PGLYRP4: variants seen among roughly 807,000 people sequenced by gnomAD.
The protein encoded by PGLYRP4 is PGRP-I-beta.
PGLYRP4 carries 39 observed loss-of-function variants against 41.2 expected under a neutral mutation model. That is an observed-to-expected ratio of 0.95 (90% CI 0.73 to 1.24). PGLYRP4 has a LOEUF of 1.24. Among genes scored for constraint, PGLYRP4 ranks in the 50% most tolerant of loss-of-function variants. PGLYRP4 has a pLI of 0.00. For missense variants in PGLYRP4, 467 were observed against 460.7 expected, an observed-to-expected ratio of 1.01 and a Z score of -0.13; for synonymous variants, 202 against 186.8, an observed-to-expected ratio of 1.08 and a Z score of -0.66.
rs1231023246 is a variant in PGLYRP4, at chr1:153,341,759, C to G, written c.493G>C (p.Ala165Pro). ...ATTAGGTTTTCCATGGCCGACAGGG[C>G]AGCAGGGCTGGGACTGTGGCCTAGA... ...TKKGHSPSPA[A>P]LSAMENLITY... Residue 165 changes from alanine to proline, a missense_variant, in exon 6 of 9, where the codon GCC becomes CCC. Physicochemically the swap from Ala to Pro is conservative, Grantham distance 27. Coordinates refer to ENST00000359650, the MANE Select transcript of PGLYRP4 (RefSeq NM_020393.4). 11 of 1,613,858 alleles carry G rather than the reference C, an allele frequency of 6.8e-6. No homozygotes were observed. Among genetic ancestry groups the G allele is most frequent in the Non-Finnish European group, 9.3e-6 (11 of 1,179,962 alleles).
At position 153,330,884 on chromosome 1, in the gene PGLYRP4, G is replaced by C; in HGVS notation, c.1005C>G (p.Val335=). 6.2e-7 allele frequency: 1 copy of C among 1,614,028 alleles called. No homozygotes were observed. The highest frequency in any genetic ancestry group is 8.5e-7 in the Non-Finnish European group (1 of 1,179,962). Reference sequence around the variant, plus strand: ...GGTAGTTGGGAGTCAGGTACCCTTTGACCATGGCACACTGGATCAGGTCTT... The same window carrying C: ...GGTAGTTGGGAGTCAGGTACCCTTTCACCATGGCACACTGGATCAGGTCTT... ...AAQDLIQCAM[V]KGYLTPNYLL... Residue 335 remains valine (V), a synonymous_variant, in exon 9 of 9, where the codon GTC becomes GTG. Coordinates refer to ENST00000359650, the MANE Select transcript of PGLYRP4 (RefSeq NM_020393.4).
chr1:153,339,963 G>C (rs973744062), intron 7 of PGLYRP4, among the ~76,000 whole-genome samples: 7 of 152,206 alleles, frequency 4.6e-5, no homozygotes. Context: ...TCTACCATGA[G>C]GGGGAACCAC....
At chr1:153,342,585 T>C (rs1301278688) in intron 5 of PGLYRP4, among the ~76,000 whole-genome samples, 1 of 152,204 alleles carries the variant, frequency 6.6e-6, no homozygotes, top group Non-Finnish European at 1.5e-5. Context: ...GCAAGGGGCC[T>C]TGGAGCAACA....
At chr1:153,334,651 G>T (rs191357441) in intron 8 of PGLYRP4, among the ~76,000 whole-genome samples, 1 of 151,582 alleles carries the variant, frequency 6.6e-6, no homozygotes, top group Non-Finnish European at 1.5e-5. Flanking sequence ...CAGATTCAAC[G>T]CAGTTCCTAT....
rs770765203 is a variant in PGLYRP4, at chr1:153,340,515, A to T, written c.690T>A (p.Thr230=). Residue 230 remains threonine, a synonymous_variant, in exon 7 of 9, where the codon ACT becomes ACA. Transcript: ENST00000359650. The part of the protein sequence containing the change: ...GARETHCPRM[T]LPAKYGIIIH... ...TAATGATGCCATACTTCGCTGGGAG[A>T]GTCATCCTGGGACAGTGGGTCTCCC... is the stretch of plus-strand genomic sequence containing the variant. The T allele has an allele frequency of 6.2e-7, 1 of 1,614,048 alleles. No homozygotes were observed. Among genetic ancestry groups the T allele is most frequent in the Admixed American group, 1.7e-5 (1 of 60,012 alleles).
intron 4 of PGLYRP4, 81 bp from the exon 5 acceptor site, chr1:153,343,289 A>C: frequency 1.1e-6 from 1 of 897,004 alleles, no homozygotes; most frequent in Non-Finnish European, 1.8e-6. Flanking sequence ...CCAGCCTCAA[A>C]ATGGAGAAGG....
rs1248842295 is a variant in PGLYRP4, at chr1:153,330,497, G to C, written c.*270C>G. The C allele has an allele frequency of 3.9e-6, 1 of 256,234 alleles. No homozygotes were observed. The highest frequency in any genetic ancestry group is 9.8e-5 in the South Asian group (1 of 10,188). 15.9% of individuals were successfully genotyped at this position (256,234 alleles called of 1,614,324 possible). ...AAGAACCAGCCCATTGTCTCACCTG[G>C]CTGAGGAGTTGGGTTTCCAAGGGAG... is the stretch of plus-strand genomic sequence containing the variant. On this transcript the variant is annotated 3_prime_UTR_variant, in exon 9 of 9. Coordinates refer to ENST00000359650, the MANE Select transcript of PGLYRP4 (RefSeq NM_020393.4).
rs749258242 is a variant in PGLYRP4, at chr1:153,345,216, C to A, written c.306G>T (p.Leu102=). 1 of 1,613,962 alleles carries A rather than the reference C, an allele frequency of 6.2e-7. No individual in the cohort carries two copies. Among genetic ancestry groups the A allele is most frequent in the Non-Finnish European group, 8.5e-7 (1 of 1,180,016 alleles). ...TGTTGTTGTGGACATGATGGGCCTGCAGTTCCCGCAGTCTCTGGCTGCAGA... is the reference window on the plus strand; with the variant it reads ...TGTTGTTGTGGACATGATGGGCCTGAAGTTCCCGCAGTCTCTGGCTGCAGA... ...QTVCSQRLRE[L]QAHHVHNNSG... Residue 102 remains leucine, a synonymous_variant, in exon 4 of 9, where the codon CTG becomes CTT. Coordinates refer to ENST00000359650, the MANE Select transcript of PGLYRP4 (RefSeq NM_020393.4).
chr1:153,347,776 C>T (rs934069041), intron 2 of PGLYRP4, 108 bp downstream of exon 2: 2 of 817,574 alleles, frequency 2.4e-6, no homozygotes, highest in African/African-American at 1.7e-5. Flanking sequence ...TCACTGCAGC[C>T]TTGAACTCCT....
rs776173213 is a variant in PGLYRP4 at position 153,341,628 on chromosome 1, C to T, written c.624G>A (p.Lys208=). 2.2e-5 allele frequency: 35 copies of T among 1,610,806 alleles called. 1 individual carries two copies. The South Asian group carries it at 3.4e-4, about 16-fold the overall frequency. The change falls in exon 6 of 9, where the codon AAG becomes AAA. Residue 208 remains lysine (K), a splice_region_variant and synonymous_variant. Coordinates refer to ENST00000359650, the MANE Select transcript of PGLYRP4 (RefSeq NM_020393.4). The stretch of plus-strand genomic sequence containing the variant: ...AGTAGGGCTGAAGAAAGGTCTTACC[C>T]TTCTTCAGGCTTGTCTTCTGCCGAG... ...LAPRQKTSLK[K]ACPGVVPRSV...
At chr1:153,343,504 A>G (rs1384560739) in intron 4 of PGLYRP4, among the ~76,000 whole-genome samples, 1 of 152,170 alleles carries the variant, frequency 6.6e-6, no homozygotes, top group East Asian at 1.9e-4. Context: ...GTAACTGACC[A>G]CACAATGGAA....
At chr1:153,336,017 A>G (rs1660542647) in intron 8 of PGLYRP4, among the ~76,000 whole-genome samples, 2 of 145,346 alleles carry the variant, frequency 1.4e-5, no homozygotes, top group Admixed American at 7.1e-5. Context: ...TCAATGGATG[A>G]CTGAATAAAG....
chr1:153,343,115 G>T lies in PGLYRP4; in HGVS notation c.447C>A (p.Gly149=). 1 of 1,611,822 alleles carries T rather than the reference G, an allele frequency of 6.2e-7. No homozygotes were observed. The stretch of plus-strand genomic sequence containing the variant: ...CTTTCTTAGTGCCAAAGAAGGCAAA[G>T]CCCAGGGAGATGTTGTTGTAGCCTT... The part of the protein sequence containing the change: ...HTQGYNNISL[G]FAFFGTKKGH... The change falls in exon 5 of 9, where the codon GGC becomes GGA. Residue 149 remains glycine, a synonymous_variant. Coordinates refer to ENST00000359650, the MANE Select transcript of PGLYRP4 (RefSeq NM_020393.4).
intron 8 of PGLYRP4, among the ~76,000 whole-genome samples, chr1:153,334,438 A>G (rs1399775704): frequency 6.8e-6 from 1 of 147,612 alleles, no homozygotes; most frequent in African/African-American, 2.5e-5. Context: ...TAGTATGTGT[A>G]TGTGTGTGTA....
chr1:153,343,876 G>A (rs1447337860), intron 4 of PGLYRP4, among the ~76,000 whole-genome samples: 2 of 152,186 alleles, frequency 1.3e-5, no homozygotes, highest in East Asian at 1.9e-4. Flanking sequence ...AGGGGTGGGA[G>A]GAAAGTCCCT....
intron 8 of PGLYRP4, among the ~76,000 whole-genome samples, chr1:153,333,719 A>C (rs1211815574): frequency 6.6e-6 from 1 of 152,200 alleles, no homozygotes; most frequent in Non-Finnish European, 1.5e-5. Context: ...TAATTCCCAC[A>C]ATCAAGTGGG....
In PGLYRP4 at chr1:153,340,278, A is replaced by G. The variant is rs1020806760; in HGVS notation, c.824+103T>C. On this transcript the variant is annotated intron_variant, in intron 7 of 8. Transcript: ENST00000359650. ...TGGTTATCCATACAGTGCCTCTCCT[A>G]TGGTGACTACCCAGTAAATATTAGT... 9 of 1,029,488 alleles carry G rather than the reference A, an allele frequency of 8.7e-6. No homozygotes were observed. In the African/African-American group the frequency reaches 1.3e-4, roughly 14 times the overall value. The allele number at this position is 1,029,488 out of a possible 1,614,324, so 63.8% of individuals were successfully genotyped here.
chr1:153,344,115 A>G (rs1056928187), intron 4 of PGLYRP4, among the ~76,000 whole-genome samples: 1 of 151,894 alleles, frequency 6.6e-6, no homozygotes, highest in Non-Finnish European at 1.5e-5. Flanking sequence ...CCTCTGATAA[A>G]CTCTCCCACC....
Position 153,340,453 on chromosome 1 carries a change from T to C in PGLYRP4, c.752A>G (p.Glu251Gly). 4 of 1,614,184 alleles carry C rather than the reference T, an allele frequency of 2.5e-6. No individual in the cohort carries two copies. Among genetic ancestry groups the C allele is most frequent in the Non-Finnish European group, 3.4e-6 (4 of 1,180,030 alleles). Residue 251 changes from glutamate (E) to glycine (G), a missense_variant, in exon 7 of 9, where the codon GAG becomes GGG. By Grantham distance (98) the Glu-to-Gly change is moderately conservative. Transcript: ENST00000359650. ...TAGRTCNISD[E>G]CRLLVRDIQS... ...GATGTCCCGGACCAGCAGGCGGCAC[T>C]CATCAGAAATGTTGCAGGTCCTCCC...
Sources: allele counts gnomAD v4.1 joint callset (sites outside exome capture counted in the v4.1 genomes callset), GRCh38; gene constraint gnomAD v4.1.1; transcripts MANE v1.5; gene names NCBI Gene and HGNC (gene_info 2026-07-23, HGNC 2026-07-21).